The following HSPG2 variants were observed in gnomAD, a reference collection of about 807,000 sequenced individuals.
The protein encoded by HSPG2 is heparan sulfate proteoglycan 2, also known as basement membrane-specific heparan sulfate proteoglycan core protein.
In HSPG2, 278 loss-of-function variants were observed where a neutral mutation model predicts 526.6. The observed-to-expected ratio is 0.53, with a 90% CI of 0.48 to 0.58. The LOEUF is 0.58. Ranked by LOEUF, HSPG2 falls within the 20% of genes least tolerant of loss-of-function variation. The pLI, the probability that HSPG2 is intolerant of heterozygous loss-of-function variation, is 0.00. For missense variants in HSPG2, 5,354 were observed against 6,099.5 expected, an observed-to-expected ratio of 0.88 and a Z score of 4.07; for synonymous variants, 2,465 against 2,555.4, an observed-to-expected ratio of 0.96 and a Z score of 1.07.
chr1:21,839,319 C>T lies in HSPG2; in HGVS notation c.9889+52G>A, dbSNP rs377575127. On this transcript the variant is annotated intron_variant, in intron 73 of 96. Coordinates refer to ENST00000374695, the MANE Select transcript of HSPG2 (RefSeq NM_005529.7). This position sits in a 1 kb window ranked among gnomAD's most constrained non-coding sequence, Gnocchi z 4.5. ...GGTTCTGTGTGGGGTGGAGCCTAGT[C>T]GGGGGGCTCAGATCTCCATTTGGTG... 4.1e-5 allele frequency: 65 copies of T among 1,586,562 alleles called. No homozygotes were observed. In the African/African-American group the frequency reaches 7.1e-4, roughly 17 times the overall value.
In HSPG2 at chr1:21,838,972, C is replaced by T. The variant is rs771405264; in HGVS notation, c.10003G>A (p.Val3335Met). Residue 3335 changes from valine (V) to methionine (M), a missense_variant, in exon 74 of 97, where the codon GTG becomes ATG. Val to Met is a conservative substitution (Grantham distance 21). Coordinates refer to ENST00000374695, the MANE Select transcript of HSPG2 (RefSeq NM_005529.7). Reference protein sequence around the residue: ...TPPLTFQWSRVGSSLPGRATA... With the variant: ...TPPLTFQWSRMGSSLPGRATA... ...GCCCTCCCAGGAAGGCTGCTGCCCA[C>T]GCGGCTCCACTGGAAGGTGAGTGGG... The T allele has an allele frequency of 6.8e-6, 11 of 1,612,636 alleles. No homozygotes were observed. Among genetic ancestry groups the T allele is most frequent in the Middle Eastern group, 1.7e-4 (1 of 6,052 alleles).
chr1:21,850,185 C>T lies in HSPG2; in HGVS notation c.7302G>A (p.Gly2434=). 1.2e-6 allele frequency: 2 copies of T among 1,613,338 alleles called. No homozygotes were observed. The highest frequency in any genetic ancestry group is 1.7e-6 in the Non-Finnish European group (2 of 1,180,036). ...IEPAGSVPAL[G]VTPTVRIESS... is the part of the protein sequence containing the mutation. ...ACTCGATCCGGACCGTGGGGGTGAC[C>T]CCAAGTGCTGGGGACAGAGGGCAAA... Residue 2434 remains glycine (G), a synonymous_variant, in exon 57 of 97, where the codon GGG becomes GGA. Coordinates refer to ENST00000374695, the MANE Select transcript of HSPG2 (RefSeq NM_005529.7).
intron 9 of HSPG2, among the ~76,000 whole-genome samples, chr1:21,886,457 G>A (rs921587786): frequency 2.0e-5 from 3 of 152,104 alleles, no homozygotes; most frequent in Non-Finnish European, 2.9e-5. Context: ...ATGGACACGC[G>A]CCCAGACACA....
intron 85 of HSPG2, 64 bp downstream of exon 85, chr1:21,830,918 G>A (rs2098000974): frequency 9.2e-7 from 1 of 1,081,872 alleles, no homozygotes; most frequent in South Asian, 1.3e-5. Context: ...TGGTGGATAT[G>A]GGGAGGCAGC....
intron 33 of HSPG2, chr1:21,871,015 G>T: frequency 3.1e-6 from 1 of 317,748 alleles, no homozygotes; most frequent in Non-Finnish European, 4.6e-6. Flanking sequence ...CCCGGGAGAA[G>T]CCTGGAGTAC....
rs775822943 is a variant in HSPG2 at position 21,833,623 on chromosome 1, G to A, written c.10831-9C>T. 2 of 1,613,982 alleles carry A rather than the reference G, an allele frequency of 1.2e-6. No homozygotes were observed. Among genetic ancestry groups the A allele is most frequent in the South Asian group, 2.2e-5 (2 of 91,076 alleles). ...GGCAGGCTGCCATCCAGCTGCAAAT[G>A]CACTAGCACTGAGGGCCCTGGCCTT... is the stretch of plus-strand genomic sequence containing the variant. On this transcript the variant is annotated splice_polypyrimidine_tract_variant and intron_variant, in intron 78 of 96. Coordinates refer to ENST00000374695, the MANE Select transcript of HSPG2 (RefSeq NM_005529.7).
At chr1:21,840,455 G>A (rs1339315872) in intron 71 of HSPG2, among the ~76,000 whole-genome samples, 1 of 152,088 alleles carries the variant, frequency 6.6e-6, no homozygotes, top group Non-Finnish European at 1.5e-5. Flanking sequence ...ATAGGCACCC[G>A]CCATCACGCC....
chr1:21,835,719 C>G (rs2098023811), intron 75 of HSPG2, 82 bp from the exon 76 acceptor site: 1 of 1,047,266 alleles, frequency 9.5e-7, no homozygotes, highest in African/African-American at 1.6e-5. Context: ...CGTGGTGGCT[C>G]ACGCCTGTAA....
rs1641492760 is a variant in HSPG2 at position 21,881,353 on chromosome 1, A to G, written c.1804T>C (p.Phe602Leu). The part of the protein sequence containing the change: ...HDSFWALPEQ[F>L]LGNKVDSYGG... Reference sequence around the variant, plus strand: ...AGGCCCCTCACCTTGTTGCCCAGGAACTGTTCAGGCAGAGCCCAGAAGGAG... The same window carrying G: ...AGGCCCCTCACCTTGTTGCCCAGGAGCTGTTCAGGCAGAGCCCAGAAGGAG... The change falls in exon 14 of 97, where the codon TTC (phenylalanine) becomes CTC (leucine). Residue 602 changes from phenylalanine (F) to leucine (L), a missense_variant. Phe to Leu is a conservative substitution (Grantham distance 22). Coordinates refer to ENST00000374695, the MANE Select transcript of HSPG2 (RefSeq NM_005529.7). 1 of 1,613,938 alleles carries G rather than the reference A, an allele frequency of 6.2e-7. No individual in the cohort carries two copies. The highest frequency in any genetic ancestry group is 1.7e-5 in the Admixed American group (1 of 59,972).
At position 21,864,624 on chromosome 1, in the gene HSPG2, T is replaced by C. The variant is rs1640080026; in HGVS notation, c.4626+219A>G. 6.6e-6 allele frequency among the ~76,000 whole-genome samples: 1 copy of C among 152,238 alleles called. No homozygotes were observed. Among genetic ancestry groups the C allele is most frequent in the Non-Finnish European group, 1.5e-5 (1 of 68,040 alleles). On this transcript the variant is annotated intron_variant, in intron 36 of 96. Coordinates refer to ENST00000374695, the MANE Select transcript of HSPG2 (RefSeq NM_005529.7). The surrounding 1 kb of genome is among the most constrained non-coding windows in gnomAD (Gnocchi z 4.8). ...TAGTTTCTGCCACACATTAGCCGTG[T>C]GCCCTTGGGACACACTCACCCCTCA... is the stretch of plus-strand genomic sequence containing the variant.
chr1:21,896,338 C>A, intron 1 of HSPG2, 28 bp from the exon 2 acceptor site: 1 of 1,608,972 alleles, frequency 6.2e-7, no homozygotes, highest in South Asian at 1.1e-5. Context: ...CTGATTGAGT[C>A]ACTCTCTCCA....
Position 21,831,203 on chromosome 1 carries a change from G to A in HSPG2, c.11562+12C>T. The A allele has an allele frequency of 6.2e-7, 1 of 1,610,004 alleles. No homozygotes were observed. The highest frequency in any genetic ancestry group is 1.1e-5 in the South Asian group (1 of 91,010). On this transcript the variant is annotated intron_variant, in intron 84 of 96. Transcript: ENST00000374695. Reference sequence around the variant, plus strand: ...CCACGGCAGCCAGGTGGTGTGTGGGGTGTGGGGTCACCTGGCAGGGCCGGT... The same window carrying A: ...CCACGGCAGCCAGGTGGTGTGTGGGATGTGGGGTCACCTGGCAGGGCCGGT...
In HSPG2 at chr1:21,890,699, A is replaced by C; in HGVS notation, c.245-5T>G. The C allele has an allele frequency of 6.2e-7, 1 of 1,605,794 alleles. No individual in the cohort carries two copies. The highest frequency in any genetic ancestry group is 8.5e-7 in the Non-Finnish European group (1 of 1,172,974). ...TCACCAGGGCTCGGAAATAAACTGG[A>C]AAATCGAAGGAGGATCATTTTGAGA... On this transcript the variant is annotated splice_polypyrimidine_tract_variant and splice_region_variant and intron_variant, in intron 3 of 96. Transcript: ENST00000374695. The surrounding 1 kb of genome is among the most constrained non-coding windows in gnomAD (Gnocchi z 4.1).
At chr1:21,854,471 G>A in intron 49 of HSPG2, 128 bp from the exon 50 acceptor site, 2 of 1,451,970 alleles carry the variant, frequency 1.4e-6, no homozygotes, top group Non-Finnish European at 1.9e-6. Flanking sequence ...TAGAAACTGG[G>A]AGGGAGGGAG....
intron 3 of HSPG2, among the ~76,000 whole-genome samples, chr1:21,894,584 C>T (rs1313551792): frequency 2.0e-5 from 3 of 152,174 alleles, no homozygotes; most frequent in Non-Finnish European, 4.4e-5. Context: ...CTGTTCCCCA[C>T]CTCTTCCCCC....
At chr1:21,877,736 G>T (rs1641191371) in intron 21 of HSPG2, among the ~76,000 whole-genome samples, 1 of 152,066 alleles carries the variant, frequency 6.6e-6, no homozygotes, top group South Asian at 2.1e-4. Context: ...GACCTCAAGT[G>T]ATCCACCCAC....
chr1:21,917,239 A>T (rs973315827), intron 1 of HSPG2, among the ~76,000 whole-genome samples: 25 of 151,874 alleles, frequency 1.6e-4, no homozygotes, highest in African/African-American at 5.8e-4. Flanking sequence ...TTGGGACCAG[A>T]CTCAGCAACA....
chr1:21,905,903 T>A (rs1307921367), intron 1 of HSPG2, among the ~76,000 whole-genome samples: 4 of 152,188 alleles, frequency 2.6e-5, no homozygotes, highest in Admixed American at 2.6e-4. Flanking sequence ...CCCAGCTACT[T>A]AGGAGGCTGA....
At position 21,824,031 on chromosome 1, in the gene HSPG2, C is replaced by T; in HGVS notation, c.12899+90G>A. 8.0e-7 allele frequency: 1 copy of T among 1,244,060 alleles called. No individual in the cohort carries two copies. Among genetic ancestry groups the T allele is most frequent in the South Asian group, 1.3e-5 (1 of 78,616 alleles). 77.1% of individuals were successfully genotyped at this position (1,244,060 alleles called of 1,614,324 possible). On this transcript the variant is annotated intron_variant, in intron 95 of 96. Transcript: ENST00000374695. This position sits in a 1 kb window ranked among gnomAD's most constrained non-coding sequence, Gnocchi z 5.9. ...CTTCAAGTTCTGTCTCCACAGAGCT[C>T]AATACCTGCCTCTCTGCCCATGGTA...
Sources: gnomAD v4.1 joint callset for allele counts (sites outside exome capture counted in the v4.1 genomes callset) on GRCh38, gnomAD v4.1.1 for gene constraint, Gnocchi (gnomAD v3.1) non-coding constraint, MANE v1.5 for transcripts, NCBI Gene and HGNC (gene_info 2026-07-23, HGNC 2026-07-21) for gene names.